CELF5: variants seen among roughly 807,000 people sequenced by gnomAD.
CELF5 encodes CUG-BP and ETR-3 like factor 5.
CELF5 carries 6 observed loss-of-function variants against 54.9 expected under a neutral mutation model. The ratio of observed to expected loss-of-function variants is 0.11; its 90% CI spans 0.06 to 0.22. The LOEUF is 0.22. Among genes scored for constraint, CELF5 ranks in the 10% least tolerant of loss-of-function variants. The pLI is 1.00. For missense variants in CELF5, 401 were observed against 678.6 expected (o/e 0.59, Z 4.54); for synonymous variants, 271 against 290.9 (o/e 0.93, Z 0.70).
rs750327488 is a variant in CELF5 at position 3,268,123 on chromosome 19, C to G, written c.343-5749C>G. Among the ~76,000 whole-genome samples the G allele has an allele frequency of 6.6e-6, 1 of 152,062 alleles. No homozygotes were observed. The highest frequency in any genetic ancestry group is 1.5e-5 in the Non-Finnish European group (1 of 68,014). On this transcript the variant is annotated intron_variant, in intron 2 of 12. Coordinates refer to ENST00000292672, the MANE Select transcript of CELF5 (RefSeq NM_021938.4). This position sits in a 1 kb window ranked among gnomAD's most constrained non-coding sequence, Gnocchi z 4.4. Reference sequence around the variant, plus strand: ...AAGCAATTCTTCTGCCTCAGCCTCCCGAGTAGCTGGGATTACAGGTGCCCG... The same window carrying G: ...AAGCAATTCTTCTGCCTCAGCCTCCGGAGTAGCTGGGATTACAGGTGCCCG...
At chr19:3,290,802 G>A (rs1205085487) in intron 11 of CELF5, among the ~76,000 whole-genome samples, 1 of 150,212 alleles carries the variant, frequency 6.7e-6, no homozygotes, top group Non-Finnish European at 1.5e-5. Context: ...TCCTGACCTC[G>A]TGATCTGCCC....
At chr19:3,242,071 G>A (rs2079498996) in intron 1 of CELF5, among the ~76,000 whole-genome samples, 1 of 152,104 alleles carries the variant, frequency 6.6e-6, no homozygotes, top group Non-Finnish European at 1.5e-5. Context: ...CACCATGCCC[G>A]GCCCAAGGTG....
chr19:3,277,904 C>A, intron 4 of CELF5, 127 bp from the exon 5 acceptor site: 1 of 681,342 alleles, frequency 1.5e-6, no homozygotes, highest in Non-Finnish European at 2.6e-6. Context: ...TTTCTGTTAT[C>A]AGTTCTCTCT....
chr19:3,243,916 G>A (rs1400744102), intron 1 of CELF5, among the ~76,000 whole-genome samples: 1 of 151,712 alleles, frequency 6.6e-6, no homozygotes, highest in Admixed American at 6.6e-5. Flanking sequence ...AGTCTTATTG[G>A]ATCAGGGCCC....
intron 2 of CELF5, among the ~76,000 whole-genome samples, chr19:3,256,967 C>A (rs1165828895): frequency 6.6e-6 from 1 of 152,050 alleles, no homozygotes; most frequent in African/African-American, 2.4e-5. Flanking sequence ...CATGGTACGT[C>A]CCACTAATTT....
At position 3,281,398 on chromosome 19, in the gene CELF5, T is replaced by C; in HGVS notation, c.750+53T>C. 3 of 1,559,066 alleles carry C rather than the reference T, an allele frequency of 1.9e-6. No homozygotes were observed. ...CTCCGGCTCCGTCTCTCTCAGTCTC[T>C]GTCTACTCTCTGTCGGGCTCCTGCC... On this transcript the variant is annotated intron_variant, in intron 6 of 12. Coordinates refer to ENST00000292672, the MANE Select transcript of CELF5 (RefSeq NM_021938.4). This position sits in a 1 kb window ranked among gnomAD's most constrained non-coding sequence, Gnocchi z 6.5.
At position 3,275,767 on chromosome 19, in the gene CELF5, C is replaced by A; in HGVS notation, c.395-89C>A. 7.1e-7 allele frequency: 1 copy of A among 1,411,732 alleles called. No homozygotes were observed. The highest frequency in any genetic ancestry group is 9.5e-7 in the Non-Finnish European group (1 of 1,055,114). 87.5% of individuals were successfully genotyped at this position (1,411,732 alleles called of 1,614,324 possible). A position where few individuals can be genotyped will look rare whatever the true frequency, so the allele number is the denominator to read the frequency against. ...CCGGGCGCCGCGTCTTCCTGCCCTG[C>A]CGCCTCCACTCTGCTGGAGGGAGGG... On this transcript the variant is annotated intron_variant, in intron 3 of 12. Transcript: ENST00000292672. This position sits in a 1 kb window ranked among gnomAD's most constrained non-coding sequence, Gnocchi z 6.7.
rs1916784272 is a variant in CELF5 at position 3,224,674 on chromosome 19, G to T, written c.-66G>T. The T allele has an allele frequency of 2.0e-6, 2 of 985,148 alleles. No homozygotes were observed. Among genetic ancestry groups the T allele is most frequent in the Non-Finnish European group, 2.4e-6 (2 of 830,898 alleles). 61.0% of individuals were successfully genotyped at this position (985,148 alleles called of 1,614,324 possible). A position where few individuals can be genotyped will look rare whatever the true frequency, so the allele number is the denominator to read the frequency against. ...CGGGAGGGAGGCGGGAGGCGCGGCC[G>T]CCGCTCCAGCTGCGAGTCCGCCCGC... On this transcript the variant is annotated 5_prime_UTR_variant, in exon 1 of 13. Coordinates refer to ENST00000292672, the MANE Select transcript of CELF5 (RefSeq NM_021938.4).
At chr19:3,235,522 ATGAATAGG>A (rs1568329792) in intron 1 of CELF5, among the ~76,000 whole-genome samples, 41 of 119,778 alleles carry the variant, frequency 3.4e-4, no homozygotes, top group Non-Finnish European at 4.6e-4. Flanking sequence ...GGATGGATGG[ATGAATAGG>A]TGGGTGGGTG....
At chr19:3,242,089 T>C (rs960915232) in intron 1 of CELF5, among the ~76,000 whole-genome samples, 1 of 152,178 alleles carries the variant, frequency 6.6e-6, no homozygotes, top group East Asian at 1.9e-4. Flanking sequence ...GTGGCACTAT[T>C]TTAAGGTTAT....
chr19:3,259,909 C>T (rs1229661333), intron 2 of CELF5, among the ~76,000 whole-genome samples: 4 of 152,050 alleles, frequency 2.6e-5, no homozygotes, highest in Non-Finnish European at 5.9e-5. Context: ...GAGACCTTGC[C>T]TAGGAAGATA....
At chr19:3,240,564 G>T (rs1476855952) in intron 1 of CELF5, among the ~76,000 whole-genome samples, 1 of 151,152 alleles carries the variant, frequency 6.6e-6, no homozygotes, top group Non-Finnish European at 1.5e-5. Flanking sequence ...CTGACCTTAG[G>T]TGAGCCACCT....
rs560541661 is a variant in CELF5 at position 3,228,396 on chromosome 19, C to T, written c.259+3398C>T. On this transcript the variant is annotated intron_variant, in intron 1 of 12. Transcript: ENST00000292672. The surrounding 1 kb of genome is among the most constrained non-coding windows in gnomAD (Gnocchi z 6.0). ...GCTGGCCCCCCTGCAGTTCCTGCCCCGGGGACCCTCCCTCCAAGGCAGGCA... is the reference window on the plus strand; with the variant it reads ...GCTGGCCCCCCTGCAGTTCCTGCCCTGGGGACCCTCCCTCCAAGGCAGGCA... 3.5e-4 allele frequency among the ~76,000 whole-genome samples: 53 copies of T among 152,288 alleles called. No homozygotes were observed. The highest frequency in any genetic ancestry group is 9.1e-4 in the African/African-American group (38 of 41,582).
chr19:3,282,254 C>G lies in CELF5; in HGVS notation c.879C>G (p.Ile293Met), dbSNP rs144542912. ...TCAACGGGCTGCCTGCCACACCCATCGCTCCTGCCTCTGGTGAGCCTCCTC... is the reference window on the plus strand; with the variant it reads ...TCAACGGGCTGCCTGCCACACCCATGGCTCCTGCCTCTGGTGAGCCTCCTC... ...VSLNGLPATP[I>M]APASGLHSPP... is the part of the protein sequence containing the mutation. The change falls in exon 7 of 13, where the codon ATC becomes ATG. Residue 293 changes from isoleucine to methionine, a missense_variant. Ile to Met is a conservative substitution (Grantham distance 10, BLOSUM62 1). Coordinates refer to ENST00000292672, the MANE Select transcript of CELF5 (RefSeq NM_021938.4). This position sits in a 1 kb window ranked among gnomAD's most constrained non-coding sequence, Gnocchi z 5.2. The G allele has an allele frequency of 2.1e-5, 34 of 1,612,776 alleles. No individual in the cohort carries two copies. In the East Asian group the frequency reaches 4.7e-4, roughly 22 times the overall value.
At chr19:3,293,275 A>T in intron 11 of CELF5, 44 bp from the exon 12 acceptor site, 2 of 1,610,452 alleles carry the variant, frequency 1.2e-6, no homozygotes, top group Non-Finnish European at 1.7e-6. Flanking sequence ...CAAGCCGAGG[A>T]CACCCGCAGC....
rs372116922 is a variant in CELF5, at chr19:3,281,699, C to A, written c.750+354C>A. 1.1e-3 allele frequency among the ~76,000 whole-genome samples: 174 copies of A among 152,316 alleles called. 4 individuals carry two copies. In the South Asian group the frequency reaches 0.036, roughly 31 times the overall value. On this transcript the variant is annotated intron_variant, in intron 6 of 12. Coordinates refer to ENST00000292672, the MANE Select transcript of CELF5 (RefSeq NM_021938.4). This position sits in a 1 kb window ranked among gnomAD's most constrained non-coding sequence, Gnocchi z 6.5. ...TGAGACCTGATCCCAAGTTGAGCCC[C>A]AGCTCCTGACTGAACCCTGATCCCA...
In CELF5 at chr19:3,224,801, C is replaced by A; in HGVS notation, c.62C>A (p.Pro21His). Residue 21 changes from proline (P) to histidine (H), a missense_variant, in exon 1 of 13, where the codon CCC becomes CAC. Pro to His is a moderately conservative substitution (Grantham distance 77, BLOSUM62 -2). Coordinates refer to ENST00000292672, the MANE Select transcript of CELF5 (RefSeq NM_021938.4). Reference sequence around the variant, plus strand: ...CAGCAGCAGCTCCTGCAGCCGCGGCCCTCGCCCGTGGGCAGCAGCGGGCCC... The same window carrying A: ...CAGCAGCAGCTCCTGCAGCCGCGGCACTCGCCCGTGGGCAGCAGCGGGCCC... ...RQQQQLLQPR[P>H]SPVGSSGPEP... 1 of 1,532,064 alleles carries A rather than the reference C, an allele frequency of 6.5e-7. No individual in the cohort carries two copies. The highest frequency in any genetic ancestry group is 1.2e-5 in the South Asian group (1 of 82,484). The allele number at this position is 1,532,064 out of a possible 1,614,324, so 94.9% of individuals were successfully genotyped here.
intron 2 of CELF5, among the ~76,000 whole-genome samples, chr19:3,263,686 C>A (rs547385530): frequency 6.6e-6 from 1 of 152,204 alleles, no homozygotes; most frequent in African/African-American, 2.4e-5. Context: ...GGGTGGATCA[C>A]CTGAGGTCAG....
intron 1 of CELF5, chr19:3,225,526 G>A: frequency 1.1e-6 from 1 of 950,122 alleles, no homozygotes. Flanking sequence ...TTGCACCTGC[G>A]GACTCCATTG....
Sources: gnomAD v4.1 joint callset for allele counts (sites outside exome capture counted in the v4.1 genomes callset) on GRCh38, gnomAD v4.1.1 for gene constraint, Gnocchi (gnomAD v3.1) non-coding constraint, MANE v1.5 for transcripts, NCBI Gene and HGNC (gene_info 2026-07-23, HGNC 2026-07-21) for gene names.